HS2ST1: variants seen among roughly 807,000 people sequenced by gnomAD.
The protein encoded by HS2ST1 is heparan sulfate 2-O-sulfotransferase 1.
In HS2ST1, 18 loss-of-function variants were observed where a neutral mutation model predicts 42.9. The ratio of observed to expected loss-of-function variants is 0.42; its 90% CI spans 0.29 to 0.62. The LOEUF (loss-of-function observed/expected upper bound fraction) is 0.62. Ranked by LOEUF, HS2ST1 falls within the 20% of genes least tolerant of loss-of-function variation. HS2ST1 has a pLI of 0.21. For missense variants in HS2ST1, 334 were observed against 433.8 expected (o/e 0.77, Z 2.04); for synonymous variants, 146 against 152.9 (o/e 0.95, Z 0.33).
At chr1:86,923,885 A>C (rs1220978043) in intron 1 of HS2ST1, among the ~76,000 whole-genome samples, 1 of 151,956 alleles carries the variant, frequency 6.6e-6, no homozygotes, top group African/African-American at 2.4e-5. Context: ...GCCCCTCCCA[A>C]ATCTCATGTC....
chr1:86,983,817 T>C (rs1054134143), intron 1 of HS2ST1, among the ~76,000 whole-genome samples: 1 of 148,996 alleles, frequency 6.7e-6, no homozygotes, highest in Non-Finnish European at 1.5e-5. Context: ...CCGAGGCGGG[T>C]GGATCACAAG....
intron 1 of HS2ST1, among the ~76,000 whole-genome samples, chr1:87,023,478 AG>A (rs1650003790): frequency 6.6e-6 from 1 of 151,514 alleles, no homozygotes; most frequent in Non-Finnish European, 1.5e-5. Context: ...AAAAAAAAAA[AG>A]TAGGGTTTAG....
chr1:86,959,866 T>C (rs1227836368), intron 1 of HS2ST1, among the ~76,000 whole-genome samples: 3 of 152,192 alleles, frequency 2.0e-5, no homozygotes, highest in Non-Finnish European at 4.4e-5. Context: ...GTCAAGTTCT[T>C]CCCAACGTGA....
chr1:87,082,141 A>C (rs1371660117), intron 2 of HS2ST1, among the ~76,000 whole-genome samples: 1 of 152,174 alleles, frequency 6.6e-6, no homozygotes, highest in Non-Finnish European at 1.5e-5. Flanking sequence ...ATAAATTGGA[A>C]AACCCAGAAG....
chr1:87,061,284 G>T (rs1651114484), intron 1 of HS2ST1, among the ~76,000 whole-genome samples: 2 of 151,998 alleles, frequency 1.3e-5, no homozygotes, highest in African/African-American at 4.8e-5. Flanking sequence ...CCATTTTACA[G>T]GGAACAATTC....
chr1:87,065,575 C>T (rs1174900515), intron 1 of HS2ST1, among the ~76,000 whole-genome samples: 2 of 152,188 alleles, frequency 1.3e-5, no homozygotes, highest in Non-Finnish European at 2.9e-5. Context: ...GTCATAGACC[C>T]CCTTGCCTGT....
rs528033692 is a variant in HS2ST1 at position 86,914,925 on chromosome 1, C to G, written c.-112C>G. The G allele has an allele frequency of 2.6e-4, 350 of 1,360,014 alleles. No individual in the cohort carries two copies. Among genetic ancestry groups the G allele is most frequent in the Admixed American group, 6.1e-4 (31 of 50,890 alleles). 84.2% of individuals were successfully genotyped at this position (1,360,014 alleles called of 1,614,324 possible). A position where few individuals can be genotyped will look rare whatever the true frequency, so the allele number is the denominator to read the frequency against. ...CGCTGCGGTGGTTCTCTCGCTGTCG[C>G]TCTCTCTTTGCCTCGCTCCCGGCTC... On this transcript the variant is annotated 5_prime_UTR_variant, in exon 1 of 7. Coordinates refer to ENST00000370550, the MANE Select transcript of HS2ST1 (RefSeq NM_012262.4).
chr1:87,082,948 A>T (rs1259308735), intron 2 of HS2ST1, among the ~76,000 whole-genome samples: 1 of 152,226 alleles, frequency 6.6e-6, no homozygotes. Flanking sequence ...TTAAGGATGT[A>T]TATGTGTATT....
intron 1 of HS2ST1, among the ~76,000 whole-genome samples, chr1:86,977,342 G>A (rs535361600): frequency 1.4e-4 from 22 of 152,198 alleles, no homozygotes; most frequent in Non-Finnish European, 2.1e-4. Flanking sequence ...AAGTCCTCCC[G>A]AATAAAAGAA....
intron 1 of HS2ST1, among the ~76,000 whole-genome samples, chr1:86,953,098 C>T (rs1462811490): frequency 1.3e-5 from 2 of 152,208 alleles, no homozygotes; most frequent in Admixed American, 6.5e-5. Flanking sequence ...TGCATCTGCA[C>T]TTGTTGCTTT....
At chr1:86,985,223 C>T (rs1648722378) in intron 1 of HS2ST1, among the ~76,000 whole-genome samples, 1 of 149,016 alleles carries the variant, frequency 6.7e-6, no homozygotes, top group South Asian at 2.1e-4. Context: ...GGCGTGGTGG[C>T]AGGCGCCTGT....
intron 1 of HS2ST1, among the ~76,000 whole-genome samples, chr1:86,969,654 T>C (rs1648170042): frequency 6.6e-6 from 1 of 152,030 alleles, no homozygotes; most frequent in Non-Finnish European, 1.5e-5. Context: ...TTTTTACTTC[T>C]AGCTGTAACT....
rs1652322942 is a variant in HS2ST1 at position 87,106,323 on chromosome 1, T to G, written c.*1627T>G. On this transcript the variant is annotated 3_prime_UTR_variant, in exon 7 of 7. Coordinates refer to ENST00000370550, the MANE Select transcript of HS2ST1 (RefSeq NM_012262.4). Reference sequence around the variant, plus strand: ...TGAGCAGCTGCTTGAGTTCAGGAAGTTCACTGTTAGAAATAGGCTTTGTTA... The same window carrying G: ...TGAGCAGCTGCTTGAGTTCAGGAAGGTCACTGTTAGAAATAGGCTTTGTTA... The G allele has an allele frequency of 6.6e-6, 1 of 152,482 alleles. No individual in the cohort carries two copies. The highest frequency in any genetic ancestry group is 1.5e-5 in the Non-Finnish European group (1 of 67,962). 9.4% of individuals were successfully genotyped at this position (152,482 alleles called of 1,614,324 possible).
At chr1:86,996,165 A>G (rs1649090074) in intron 1 of HS2ST1, among the ~76,000 whole-genome samples, 1 of 152,170 alleles carries the variant, frequency 6.6e-6, no homozygotes, top group African/African-American at 2.4e-5. Flanking sequence ...ACCAAAGGCC[A>G]GGTACAGTGG....
chr1:86,937,506 T>C (rs987981673), intron 1 of HS2ST1, among the ~76,000 whole-genome samples: 12 of 152,220 alleles, frequency 7.9e-5, no homozygotes, highest in African/African-American at 2.2e-4. Flanking sequence ...AGTTTCACTG[T>C]GACTTAAGAG....
chr1:87,029,205 A>T (rs562035793), intron 1 of HS2ST1, among the ~76,000 whole-genome samples: 16 of 152,294 alleles, frequency 1.1e-4, no homozygotes, highest in African/African-American at 3.8e-4. Context: ...ATATTATGTG[A>T]GTCATAAACC....
chr1:87,015,103 C>T (rs1288331105), intron 1 of HS2ST1, among the ~76,000 whole-genome samples: 1 of 152,090 alleles, frequency 6.6e-6, no homozygotes, highest in African/African-American at 2.4e-5. Context: ...AGCTGGAGTG[C>T]AGTGGCGTGA....
intron 1 of HS2ST1, among the ~76,000 whole-genome samples, chr1:86,948,613 A>G (rs1647407464): frequency 6.6e-6 from 1 of 152,226 alleles, no homozygotes; most frequent in Admixed American, 6.5e-5. Context: ...AATATGGTCT[A>G]TATTCTTAAG....
intron 1 of HS2ST1, among the ~76,000 whole-genome samples, chr1:86,971,231 T>TCTATACATTAGTGCTGTTAAGGC (rs1553133929): frequency 3.3e-5 from 5 of 152,104 alleles, no homozygotes; most frequent in Admixed American, 3.3e-4. Context: ...AGAGGGAAGG[T>TCTATACATTAGTGCTGTTAAGGC]CTATACATTA....
Sources: gnomAD v4.1 joint callset for allele counts (sites outside exome capture counted in the v4.1 genomes callset) on GRCh38, gnomAD v4.1.1 for gene constraint, MANE v1.5 for transcripts, NCBI Gene and HGNC (gene_info 2026-07-23, HGNC 2026-07-21) for gene names.